Variants in INPP5A observed in about 807,000 individuals in gnomAD.
INPP5A encodes the protein 43 kDa inositol polyphosphate 5-phophatase.
Under a neutral mutation model 65.2 loss-of-function variants are expected in INPP5A, and 14 were observed. The ratio of observed to expected loss-of-function variants is 0.21; its 90% CI spans 0.14 to 0.34. INPP5A has a LOEUF of 0.34. Among genes scored for constraint, INPP5A ranks in the 10% least tolerant of loss-of-function variants. INPP5A has a pLI of 1.00. For missense variants in INPP5A, 431 were observed against 545.6 expected, an observed-to-expected ratio of 0.79 and a Z score of 2.09; for synonymous variants, 207 against 208.3, an observed-to-expected ratio of 0.99 and a Z score of 0.05.
intron 1 of INPP5A, among the ~76,000 whole-genome samples, chr10:132,599,903 G>A (rs887225511): frequency 1.1e-4 from 16 of 152,192 alleles, no homozygotes; most frequent in Non-Finnish European, 2.1e-4. Flanking sequence ...TTTTAGCCAC[G>A]GCTGGAGTGG....
Position 132,697,982 on chromosome 10 carries a change from A to G in INPP5A, c.474+63A>G. 9.1e-7 allele frequency: 1 copy of G among 1,095,200 alleles called. No homozygotes were observed. The allele number at this position is 1,095,200 out of a possible 1,614,324, so 67.8% of individuals were successfully genotyped here. A position where few individuals can be genotyped will look rare whatever the true frequency, so the allele number is the denominator to read the frequency against. ...TCAGAGTGAGCCAGTCAGAAGTGAC[A>G]TGGAACACGGAATTTTCGCATTGCA... is the stretch of plus-strand genomic sequence containing the variant. On this transcript the variant is annotated intron_variant, in intron 6 of 15. Coordinates refer to ENST00000368594, the MANE Select transcript of INPP5A (RefSeq NM_005539.5). This position sits in a 1 kb window ranked among gnomAD's most constrained non-coding sequence, Gnocchi z 5.6.
chr10:132,714,848 C>T (rs913174579), intron 8 of INPP5A, among the ~76,000 whole-genome samples: 4 of 152,208 alleles, frequency 2.6e-5, no homozygotes, highest in Non-Finnish European at 5.9e-5. Context: ...ATCACAGATG[C>T]GAACCTTTAC....
At position 132,650,161 on chromosome 10, in the gene INPP5A, G is replaced by A. The variant is rs1590894643; in HGVS notation, c.219-257G>A. 6.6e-6 allele frequency among the ~76,000 whole-genome samples: 1 copy of A among 152,356 alleles called. No homozygotes were observed. The highest frequency in any genetic ancestry group is 2.4e-5 in the African/African-American group (1 of 41,580). ...TTCTCAATGTCTCCATCCCTGGGATGCCTCAGACCCCGGCATCTCACAGGC... is the reference window on the plus strand; with the variant it reads ...TTCTCAATGTCTCCATCCCTGGGATACCTCAGACCCCGGCATCTCACAGGC... On this transcript the variant is annotated intron_variant, in intron 3 of 15. Transcript: ENST00000368594. The surrounding 1 kb of genome is among the most constrained non-coding windows in gnomAD (Gnocchi z 5.5).
intron 1 of INPP5A, among the ~76,000 whole-genome samples, chr10:132,582,091 G>C (rs1476979383): frequency 6.6e-6 from 1 of 151,950 alleles, no homozygotes; most frequent in Admixed American, 6.6e-5. Context: ...TGCCCGTCTC[G>C]GCCTCCCAAA....
At position 132,763,844 on chromosome 10, in the gene INPP5A, C is replaced by T. The variant is rs145633889; in HGVS notation, c.904-1929C>T. On this transcript the variant is annotated intron_variant, in intron 11 of 15. Transcript: ENST00000368594. Reference sequence around the variant, plus strand: ...AAACACATCTGCATGCAAACACACACATGCCTGTGCATGCATAAACGTGCC... The same window carrying T: ...AAACACATCTGCATGCAAACACACATATGCCTGTGCATGCATAAACGTGCC... Among the ~76,000 whole-genome samples the T allele has an allele frequency of 1.3e-3, 193 of 152,320 alleles. 1 individual carries two copies. Among genetic ancestry groups the T allele is most frequent in the Middle Eastern group, 3.4e-3 (1 of 294 alleles).
In INPP5A at chr10:132,705,669, T is replaced by TG. The variant is rs886622289; in HGVS notation, c.475-2640dup. Among the ~76,000 whole-genome samples, 163 of 152,344 alleles carry TG rather than the reference T, an allele frequency of 1.1e-3. 2 individuals carry two copies. Among genetic ancestry groups the TG allele is most frequent in the African/African-American group, 3.8e-3 (159 of 41,566 alleles). The stretch of plus-strand genomic sequence containing the variant: ...TTACTTCTTTAAAAGTCTGCTTACC[T>TG]GGGGCCCGGGACTTTACAGGTGAGG... On this transcript the variant is annotated intron_variant, in intron 6 of 15. Coordinates refer to ENST00000368594, the MANE Select transcript of INPP5A (RefSeq NM_005539.5). The surrounding 1 kb of genome is among the most constrained non-coding windows in gnomAD (Gnocchi z 4.9).
In INPP5A at chr10:132,548,298, C is replaced by T. The variant is rs183490537; in HGVS notation, c.75+10127C>T. 5.2e-3 allele frequency among the ~76,000 whole-genome samples: 787 copies of T among 152,160 alleles called. 3 individuals are homozygous for T. Among genetic ancestry groups the T allele is most frequent in the Non-Finnish European group, 8.0e-3 (543 of 67,992 alleles). ...AGTCCCCGGACCGTGGTGGTGTTTG[C>T]GGCCACATATGCCATGCTCAGGAGG... On this transcript the variant is annotated intron_variant, in intron 1 of 15. Transcript: ENST00000368594.
chr10:132,771,341 T>C (rs894376071), intron 12 of INPP5A, among the ~76,000 whole-genome samples: 15 of 152,244 alleles, frequency 9.9e-5, no homozygotes, highest in Non-Finnish European at 2.1e-4. Flanking sequence ...TGTTTAGTGC[T>C]GAGGGATTGA....
intron 2 of INPP5A, among the ~76,000 whole-genome samples, chr10:132,614,566 T>G (rs1371773621): frequency 6.6e-6 from 1 of 152,238 alleles, no homozygotes; most frequent in Non-Finnish European, 1.5e-5. Context: ...TCCTCTCTCC[T>G]GAGAATCAGA....
intron 6 of INPP5A, 106 bp from the exon 7 acceptor site, chr10:132,708,207 G>A (rs1473836860): frequency 9.2e-6 from 9 of 983,456 alleles, no homozygotes; most frequent in African/African-American, 3.2e-5. Context: ...GAGCCCTGCT[G>A]TTTTTTGTTT....
Position 132,616,648 on chromosome 10 carries a change from A to T in INPP5A, c.117+8692A>T, listed in dbSNP as rs567941735. On this transcript the variant is annotated intron_variant, in intron 2 of 15. Coordinates refer to ENST00000368594, the MANE Select transcript of INPP5A (RefSeq NM_005539.5). The surrounding 1 kb of genome is among the most constrained non-coding windows in gnomAD (Gnocchi z 4.9). ...ACATGGGACATGGTAGTGACATGGGACATGGTGACAGGGTAGGGTGTGGTG... is the reference window on the plus strand; with the variant it reads ...ACATGGGACATGGTAGTGACATGGGTCATGGTGACAGGGTAGGGTGTGGTG... Among the ~76,000 whole-genome samples the T allele has an allele frequency of 1.1e-4, 16 of 151,462 alleles. No homozygotes were observed. In the East Asian group the frequency reaches 3.1e-3, roughly 30 times the overall value.
In INPP5A at chr10:132,727,221, C is replaced by T. The variant is rs1194849945; in HGVS notation, c.732+316C>T. 3.8e-6 allele frequency: 1 copy of T among 265,576 alleles called. No homozygotes were observed. The highest frequency in any genetic ancestry group is 7.2e-6 in the Non-Finnish European group (1 of 139,208). The allele number at this position is 265,576 out of a possible 1,614,324, so 16.5% of individuals were successfully genotyped here. On this transcript the variant is annotated intron_variant, in intron 9 of 15. Transcript: ENST00000368594. This position sits in a 1 kb window ranked among gnomAD's most constrained non-coding sequence, Gnocchi z 6.5. ...CGTCACAGCGCCACCCCCTCGATGC[C>T]CACAGAGCTGCAGCCTCTGCAGAGT...
intron 5 of INPP5A, among the ~76,000 whole-genome samples, chr10:132,690,684 AGAGTT>A (rs1277906001): frequency 2.6e-5 from 4 of 152,106 alleles, no homozygotes; most frequent in African/African-American, 4.8e-5. Flanking sequence ...TGGCTTTCCT[AGAGTT>A]GAGTTAAGAG....
In INPP5A at chr10:132,703,924, G is replaced by A. The variant is rs112695031; in HGVS notation, c.475-4389G>A. Among the ~76,000 whole-genome samples the A allele has an allele frequency of 2.5e-3, 146 of 58,802 alleles. 1 individual carries two copies. In the Middle Eastern group the frequency reaches 0.071, roughly 29 times the overall value. The allele number at this position is 58,802 out of a possible 152,430, so 38.6% of individuals were successfully genotyped here. On this transcript the variant is annotated intron_variant, in intron 6 of 15. Transcript: ENST00000368594. ...CGTGGCTTCACCCCCACACACACAC[G>A]CAAGCTTCACCCCCACACACACGCG...
Position 132,647,830 on chromosome 10 carries a change from C to A in INPP5A, c.218+1862C>A, listed in dbSNP as rs1443417620. 5.9e-5 allele frequency among the ~76,000 whole-genome samples: 9 copies of A among 152,154 alleles called. 1 individual carries two copies. The highest frequency in any genetic ancestry group is 1.4e-4 in the African/African-American group (6 of 41,430). The stretch of plus-strand genomic sequence containing the variant: ...CACTCACCCTACATAAGATGAATTT[C>A]AGTTGTATTAATTATATAAATGTAA... On this transcript the variant is annotated intron_variant, in intron 3 of 15. Transcript: ENST00000368594.
intron 4 of INPP5A, among the ~76,000 whole-genome samples, chr10:132,690,162 T>C (rs1387857592): frequency 6.6e-6 from 1 of 152,250 alleles, no homozygotes; most frequent in Non-Finnish European, 1.5e-5. Context: ...GCGTCCCTGC[T>C]GGAGCCAGCA....
intron 4 of INPP5A, among the ~76,000 whole-genome samples, chr10:132,660,189 G>A (rs761944111): frequency 9.2e-5 from 14 of 152,170 alleles, no homozygotes; most frequent in Non-Finnish European, 1.8e-4. Context: ...ATTGAGTGAC[G>A]GGGAAAGATA....
In INPP5A at chr10:132,652,323, C is replaced by T. The variant is rs569621810; in HGVS notation, c.306+1818C>T. On this transcript the variant is annotated intron_variant, in intron 4 of 15. Transcript: ENST00000368594. ...AGGACTGAAAAGTGGATAGAAATCA[C>T]TGTGAAATACCAGGTGTCCTAACAC... 9.8e-5 allele frequency among the ~76,000 whole-genome samples: 15 copies of T among 152,318 alleles called. No individual in the cohort carries two copies. The East Asian group carries it at 2.9e-3, about 29-fold the overall frequency.
chr10:132,570,643 C>T (rs1232586582), intron 1 of INPP5A, among the ~76,000 whole-genome samples: 1 of 152,044 alleles, frequency 6.6e-6, no homozygotes, highest in Non-Finnish European at 1.5e-5. Flanking sequence ...GTTTTCAGCT[C>T]TTGTGTTTCT....
Sources: gnomAD v4.1 joint callset for allele counts (sites outside exome capture counted in the v4.1 genomes callset) on GRCh38, gnomAD v4.1.1 for gene constraint, Gnocchi (gnomAD v3.1) non-coding constraint, MANE v1.5 for transcripts, NCBI Gene and HGNC (gene_info 2026-07-23, HGNC 2026-07-21) for gene names.